Variants in KAT6B observed in about 807,000 individuals in gnomAD.
KAT6B encodes lysine acetyltransferase 6B.
In KAT6B, 10 loss-of-function variants were observed where a neutral mutation model predicts 187.5. That is an observed-to-expected ratio of 0.05 (90% CI 0.03 to 0.09). KAT6B has a LOEUF of 0.09. KAT6B is among the 10% of genes least tolerant of loss of function. KAT6B has a pLI of 1.00. For missense variants in KAT6B, 1,952 were observed against 2,558.9 expected (o/e 0.76, Z 5.12); for synonymous variants, 861 against 926.8 (o/e 0.93, Z 1.29).
intron 7 of KAT6B, among the ~76,000 whole-genome samples, chr10:74,974,366 G>C (rs571280821): frequency 6.6e-6 from 1 of 152,252 alleles, no homozygotes; most frequent in Admixed American, 6.5e-5. Context: ...TTATAATTCA[G>C]TATTGTATCT....
intron 1 of KAT6B, among the ~76,000 whole-genome samples, chr10:74,828,260 T>C (rs1840425607): frequency 6.6e-6 from 1 of 151,944 alleles, no homozygotes; most frequent in Admixed American, 6.6e-5. Context: ...GAAGGGGTAG[T>C]GATAAAGAAT....
intron 3 of KAT6B, among the ~76,000 whole-genome samples, chr10:74,936,606 C>G (rs1351501438): frequency 2.0e-5 from 3 of 151,956 alleles, no homozygotes; most frequent in Non-Finnish European, 4.4e-5. Context: ...ATTTAGAAAA[C>G]AAATAATTTT....
chr10:75,032,585 C>G lies in KAT6B; in HGVS notation c.*1539C>G, dbSNP rs1846383782. On this transcript the variant is annotated 3_prime_UTR_variant, in exon 18 of 18. Transcript: ENST00000287239. ...TATGCGAGTGCATACCTTCTGTATG[C>G]CAATCATTGTCTTTAAAATAAAGTG... is the stretch of plus-strand genomic sequence containing the variant. 1.1e-5 allele frequency: 2 copies of G among 175,806 alleles called. No individual in the cohort carries two copies. The highest frequency in any genetic ancestry group is 2.4e-5 in the Non-Finnish European group (2 of 81,654). 10.9% of individuals were successfully genotyped at this position (175,806 alleles called of 1,614,324 possible).
rs1846119098 is a variant in KAT6B, at chr10:75,029,177, A to C, written c.4353A>C (p.Glu1451Asp). The part of the protein sequence containing the change: ...KEELPRESFK[E>D]VLENQETFLD... ...AGCTGCCCAGAGAAAGCTTCAAAGA[A>C]GTACTGGAAAACCAGGAGACTTTTT... is the stretch of plus-strand genomic sequence containing the variant. Residue 1451 changes from glutamate to aspartate, a missense_variant, in exon 18 of 18, where the codon GAA becomes GAC. Physicochemically the swap from Glu to Asp is conservative, Grantham distance 45. Around this residue, in one of 9 missense-constraint regions of KAT6B, gnomAD observed 758 missense variants for 891.4 expected, o/e 0.85. Transcript: ENST00000287239. This position sits in a 1 kb window ranked among gnomAD's most constrained non-coding sequence, Gnocchi z 6.2. The C allele has an allele frequency of 2.5e-6, 4 of 1,614,046 alleles. No homozygotes were observed. Among genetic ancestry groups the C allele is most frequent in the Non-Finnish European group, 3.4e-6 (4 of 1,180,044 alleles).
chr10:74,894,436 T>G (rs1273706912), intron 3 of KAT6B, among the ~76,000 whole-genome samples: 3 of 152,194 alleles, frequency 2.0e-5, no homozygotes, highest in Non-Finnish European at 4.4e-5. Flanking sequence ...CCACATAACA[T>G]TAAATTTACC....
At chr10:74,924,103 T>C (rs11001203) in intron 3 of KAT6B, among the ~76,000 whole-genome samples, 3,733 of 152,200 alleles carry the variant, frequency 0.025, 157 homozygotes, top group African/African-American at 0.085. Flanking sequence ...GATGGAGTTA[T>C]CTATCACTGA....
At position 75,030,211 on chromosome 10, in the gene KAT6B, AGCGAAT is replaced by A. The variant is rs773651325; in HGVS notation, c.5389_5394del (p.Arg1797_Met1798del). On this transcript the variant is annotated inframe_deletion, in exon 18 of 18. Transcript: ENST00000287239. The surrounding 1 kb of genome is among the most constrained non-coding windows in gnomAD (Gnocchi z 4.8). ...AGCAACGCCAACATTGGCTTATACG[AGCGAAT>A]GGGTCAGAGTGATTTTGGGGCTGGG... 1.2e-5 allele frequency: 20 copies of A among 1,614,000 alleles called. No individual in the cohort carries two copies. In the East Asian group the frequency reaches 4.5e-4, roughly 36 times the overall value.
At chr10:74,912,071 G>A (rs1371469598) in intron 3 of KAT6B, among the ~76,000 whole-genome samples, 1 of 152,134 alleles carries the variant, frequency 6.6e-6, no homozygotes, top group Admixed American at 6.5e-5. Flanking sequence ...CTCCTAAAGT[G>A]TTAGGATTAT....
chr10:74,955,392 C>CT (rs1290313440), intron 3 of KAT6B, among the ~76,000 whole-genome samples: 1 of 147,694 alleles, frequency 6.8e-6, no homozygotes, highest in Non-Finnish European at 1.5e-5. Context: ...ATCCCCCCCC[C>CT]CCCAACTTTT....
intron 3 of KAT6B, among the ~76,000 whole-genome samples, chr10:74,887,676 G>T (rs1845377365): frequency 6.6e-6 from 1 of 152,020 alleles, no homozygotes; most frequent in East Asian, 1.9e-4. Context: ...GGCACATTTA[G>T]CCTGGAATGG....
intron 3 of KAT6B, among the ~76,000 whole-genome samples, chr10:74,846,021 G>A (rs943738007): frequency 2.6e-5 from 4 of 151,608 alleles, no homozygotes; most frequent in African/African-American, 9.7e-5. Context: ...ACACCACCAC[G>A]CCCGGCTAAT....
At chr10:74,896,025 CCTT>C (rs1845963595) in intron 3 of KAT6B, among the ~76,000 whole-genome samples, 1 of 151,898 alleles carries the variant, frequency 6.6e-6, no homozygotes, top group African/African-American at 2.4e-5. Context: ...TTTTCAGACT[CCTT>C]CTTTTTCTTT....
chr10:74,876,410 T>C (rs1279058738), intron 3 of KAT6B, among the ~76,000 whole-genome samples: 1 of 152,212 alleles, frequency 6.6e-6, no homozygotes, highest in African/African-American at 2.4e-5. Context: ...GTTGTTGCTT[T>C]TTGTAGTACT....
In KAT6B at chr10:75,022,108, G is replaced by A. The variant is rs141966884; in HGVS notation, c.3249G>A (p.Glu1083=). Residue 1083 remains glutamate (E), a synonymous_variant, in exon 16 of 18, where the codon GAG becomes GAA. Transcript: ENST00000287239. ...AGGAGGACGAGGAGGAGGAAGAAGAGGAGGAAGAAGAGGAAGAGGATGAAG... is the reference window on the plus strand; with the variant it reads ...AGGAGGACGAGGAGGAGGAAGAAGAAGAGGAAGAAGAGGAAGAGGATGAAG... ...EEEEDEEEEE[E]EEEEEEDEEE... is the part of the protein sequence containing the mutation. 1 of 1,609,946 alleles carries A rather than the reference G, an allele frequency of 6.2e-7. No homozygotes were observed. Among genetic ancestry groups the A allele is most frequent in the Admixed American group, 1.7e-5 (1 of 59,798 alleles).
intron 3 of KAT6B, among the ~76,000 whole-genome samples, chr10:74,892,165 C>T (rs574539595): frequency 3.9e-5 from 6 of 152,228 alleles, no homozygotes; most frequent in South Asian, 4.1e-4. Context: ...CCCAGGAGTT[C>T]GAGACCAGCC....
chr10:74,859,666 T>C (rs1199231669), intron 3 of KAT6B, among the ~76,000 whole-genome samples: 1 of 152,230 alleles, frequency 6.6e-6, no homozygotes, highest in African/African-American at 2.4e-5. Flanking sequence ...CTAGTTAGCT[T>C]AATAAATATG....
At chr10:74,901,180 T>C (rs926980682) in intron 3 of KAT6B, among the ~76,000 whole-genome samples, 2 of 152,224 alleles carry the variant, frequency 1.3e-5, no homozygotes, top group African/African-American at 4.8e-5. Context: ...GCTCAACGTA[T>C]GCTATCCAGT....
intron 13 of KAT6B, among the ~76,000 whole-genome samples, chr10:75,012,195 C>A (rs1844655000): frequency 6.6e-6 from 1 of 152,112 alleles, no homozygotes; most frequent in Non-Finnish European, 1.5e-5. Flanking sequence ...CACCTGTAAT[C>A]CCAGCACTTT....
In KAT6B at chr10:75,029,048, C is replaced by G; in HGVS notation, c.4224C>G (p.His1408Gln). 6.2e-7 allele frequency: 1 copy of G among 1,613,866 alleles called. No individual in the cohort carries two copies. Among genetic ancestry groups the G allele is most frequent in the Non-Finnish European group, 8.5e-7 (1 of 1,179,984 alleles). Residue 1408 changes from histidine to glutamine, a missense_variant, in exon 18 of 18, where the codon CAC becomes CAG. Transcript: ENST00000287239. This position sits in a 1 kb window ranked among gnomAD's most constrained non-coding sequence, Gnocchi z 6.2. ...EKEDSARLDD[H>Q]EEEEEEDEEP... ...AAGACTCTGCACGTTTGGATGATCA[C>G]GAAGAGGAGGAGGAAGAGGATGAAG...
Sources: gnomAD v4.1 joint callset for allele counts (sites outside exome capture counted in the v4.1 genomes callset) on GRCh38, gnomAD v4.1.1 for gene constraint, gnomAD v4.1.1 regional missense constraint, Gnocchi (gnomAD v3.1) non-coding constraint, MANE v1.5 for transcripts, NCBI Gene and HGNC (gene_info 2026-07-23, HGNC 2026-07-21) for gene names.